ANPEP: variants seen among roughly 807,000 people sequenced by gnomAD.
The protein encoded by ANPEP is aminopeptidase N.
Under a neutral mutation model 114.6 loss-of-function variants are expected in ANPEP, and 70 were observed. That is an observed-to-expected ratio of 0.61 (90% CI 0.50 to 0.75). The LOEUF is 0.75. Among genes scored for constraint, ANPEP ranks in the 30% least tolerant of loss-of-function variants. The probability of loss-of-function intolerance (pLI) is 0.00; values close to 1 mark genes in which losing one functional copy is unlikely to be tolerated. For missense variants in ANPEP, 1,184 were observed against 1,259.5 expected (o/e 0.94, Z 0.91); for synonymous variants, 548 against 522.3 (o/e 1.05, Z -0.67).
At position 89,805,090 on chromosome 15, in the gene ANPEP, G is replaced by T. The variant is rs775687167; in HGVS notation, c.885C>A (p.Ser295=). The T allele has an allele frequency of 2.5e-6, 4 of 1,614,112 alleles. No individual in the cohort carries two copies. In the African/African-American group the frequency reaches 4.0e-5, roughly 16 times the overall value. The change falls in exon 4 of 21, where the codon TCC becomes TCA. Residue 295 remains serine, a synonymous_variant. Transcript: ENST00000300060. ...CCCAGCCTCATACCAAGACACCATT[G>T]GATGCCTGCTTCTCCACGTAGTCGA... ...SEFDYVEKQA[S]NGVLIRIWAR... is the part of the protein sequence containing the mutation.
intron 15 of ANPEP, among the ~76,000 whole-genome samples, chr15:89,795,375 A>G (rs1198216645): frequency 1.3e-5 from 2 of 152,154 alleles, no homozygotes; most frequent in African/African-American, 4.8e-5. Flanking sequence ...CCAGAAAGAG[A>G]TAACTGGAAA....
Position 89,797,590 on chromosome 15 carries a change from G to A in ANPEP, c.2142C>T (p.Val714=), listed in dbSNP as rs190731361. The A allele has an allele frequency of 5.2e-5, 84 of 1,613,576 alleles. No homozygotes were observed. The highest frequency in any genetic ancestry group is 7.0e-5 in the Non-Finnish European group (82 of 1,179,776). Residue 714 remains valine (V), a synonymous_variant, in exon 15 of 21, where the codon GTC becomes GTT. Transcript: ENST00000300060. ...ACCTCCGTACCTTCATGGGGCCATA[G>A]ACCTCGGAGCGGTCAAACATGAGCT... ...YFKLMFDRSE[V]YGPMKNYLKK...
chr15:89,792,118 G>A (rs771443990), intron 18 of ANPEP, 42 bp downstream of exon 18: 2 of 1,586,574 alleles, frequency 1.3e-6, no homozygotes, highest in African/African-American at 1.3e-5. Context: ...TTCTCCAGGT[G>A]GGGAGAGGGC....
At position 89,797,695 on chromosome 15, in the gene ANPEP, C is replaced by G; in HGVS notation, c.2037G>C (p.Ala679=). Residue 679 remains alanine (A), a synonymous_variant, in exon 15 of 21, where the codon GCG becomes GCC. Transcript: ENST00000300060. ...ASAHKVPVTL[A]LNNTLFLIEE... is the part of the protein sequence containing the mutation. ...CAATCAGGAAGAGGGTGTTGTTCAG[C>G]GCCAGAGTGACAGGGACCTTATGGG... The G allele has an allele frequency of 6.2e-7, 1 of 1,614,098 alleles. No individual in the cohort carries two copies. The highest frequency in any genetic ancestry group is 8.5e-7 in the Non-Finnish European group (1 of 1,180,012).
At chr15:89,805,619 G>C (rs1894694911) in intron 2 of ANPEP, among the ~76,000 whole-genome samples, 156 bp from the exon 3 acceptor site, 1 of 152,162 alleles carries the variant, frequency 6.6e-6, no homozygotes, top group African/African-American at 2.4e-5. Context: ...GGAGCCTCCG[G>C]AGCCCTGCCA....
Position 89,806,510 on chromosome 15 carries a change from G to A in ANPEP, c.74C>T (p.Thr25Ile), listed in dbSNP as rs1340822216. The A allele has an allele frequency of 1.2e-6, 2 of 1,613,846 alleles. No homozygotes were observed. The highest frequency in any genetic ancestry group is 1.7e-5 in the Admixed American group (1 of 60,002). Reference sequence around the variant, plus strand: ...GTACACCACTGACAGTGCGATGATTGTGCACACGGCTGCCACGCCCAGGAG... The same window carrying A: ...GTACACCACTGACAGTGCGATGATTATGCACACGGCTGCCACGCCCAGGAG... ...GILLGVAAVC[T>I]IIALSVVYSQ... The change falls in exon 2 of 21, where the codon ACA (threonine) becomes ATA (isoleucine). Residue 25 changes from threonine (T) to isoleucine (I), a missense_variant. Transcript: ENST00000300060. The surrounding 1 kb of genome is among the most constrained non-coding windows in gnomAD (Gnocchi z 5.7).
chr15:89,806,402 G>A lies in ANPEP; in HGVS notation c.182C>T (p.Ser61Leu), dbSNP rs763656090. 25 of 1,614,118 alleles carry A rather than the reference G, an allele frequency of 1.5e-5. No homozygotes were observed. The highest frequency in any genetic ancestry group is 1.3e-4 in the African/African-American group (10 of 75,030). Residue 61 changes from serine to leucine, a missense_variant, in exon 2 of 21, where the codon TCG becomes TTG. Transcript: ENST00000300060. The surrounding 1 kb of genome is among the most constrained non-coding windows in gnomAD (Gnocchi z 5.7). ...TTTACTTTGGTCCAAGGTGGTGGCC[G>A]AGGCGGGGTTGGTGGTGGCTGAGGC... The part of the protein sequence containing the change: ...PSASATTNPA[S>L]ATTLDQSKAW...
In ANPEP at chr15:89,806,440, G is replaced by A; in HGVS notation, c.144C>T (p.Ser48=). ...TGGTGGCTGAGGCGGACGGGGTGGT[G>A]GAGGCCACGGGGGAGCTGTTGGCGT... ...NKNANSSPVA[S]TTPSASATTN... Residue 48 remains serine, a synonymous_variant, in exon 2 of 21, where the codon TCC becomes TCT. Transcript: ENST00000300060. The surrounding 1 kb of genome is among the most constrained non-coding windows in gnomAD (Gnocchi z 5.7). 3 of 1,614,128 alleles carry A rather than the reference G, an allele frequency of 1.9e-6. No individual in the cohort carries two copies. The highest frequency in any genetic ancestry group is 2.2e-5 in the South Asian group (2 of 91,078).
intron 1 of ANPEP, among the ~76,000 whole-genome samples, chr15:89,811,955 C>T (rs922274253): frequency 4.6e-5 from 7 of 152,220 alleles, no homozygotes; most frequent in African/African-American, 7.2e-5. Flanking sequence ...AACGTAAGTT[C>T]TTCTAAACTA....
At chr15:89,807,550 A>G (rs940627319) in intron 1 of ANPEP, among the ~76,000 whole-genome samples, 1 of 151,966 alleles carries the variant, frequency 6.6e-6, no homozygotes, top group African/African-American at 2.4e-5. Context: ...AATACAAAAA[A>G]AATTAGTTGG....
Position 89,799,717 on chromosome 15 carries a change from G to A in ANPEP, c.1820-158C>T, listed in dbSNP as rs577110809. On this transcript the variant is annotated intron_variant, in intron 12 of 20. Transcript: ENST00000300060. The surrounding 1 kb of genome is among the most constrained non-coding windows in gnomAD (Gnocchi z 4.2). The stretch of plus-strand genomic sequence containing the variant: ...GGGGAAGGAAGGGATGAGGAACTGG[G>A]CTGCCAGTGGCTTCACAGACCATCA... Among the ~76,000 whole-genome samples the A allele has an allele frequency of 1.3e-5, 2 of 152,268 alleles. No individual in the cohort carries two copies. The highest frequency in any genetic ancestry group is 4.8e-5 in the African/African-American group (2 of 41,548).
chr15:89,813,991 TGGG>T (rs201152904), intron 1 of ANPEP, among the ~76,000 whole-genome samples: 1 of 111,710 alleles, frequency 9.0e-6, no homozygotes, highest in Non-Finnish European at 1.8e-5. Context: ...ACCGCACTGC[TGGG>T]GGGGGGGGGT....
rs1238724638 is a variant in ANPEP, at chr15:89,803,583, A to C, written c.1437+64T>G. ...CCCTGTGCCCCCAGACCCTGCCTTC[A>C]GTGAGGCCCCTCCAGGCCAAGTCCC... On this transcript the variant is annotated intron_variant, in intron 8 of 20. Transcript: ENST00000300060. This position sits in a 1 kb window ranked among gnomAD's most constrained non-coding sequence, Gnocchi z 4.2. The C allele has an allele frequency of 1.9e-6, 3 of 1,601,568 alleles. No homozygotes were observed. The Admixed American group carries it at 5.0e-5, about 27-fold the overall frequency.
chr15:89,794,273 C>G (rs1322432172), intron 15 of ANPEP, among the ~76,000 whole-genome samples: 1 of 152,030 alleles, frequency 6.6e-6, no homozygotes, highest in Non-Finnish European at 1.5e-5. Context: ...CACCTGAGGT[C>G]AGGAGTTTGA....
intron 20 of ANPEP, among the ~76,000 whole-genome samples, chr15:89,786,853 A>G (rs539572874): frequency 9.9e-5 from 15 of 152,274 alleles, no homozygotes; most frequent in Admixed American, 3.3e-4. Context: ...TTTACCGTCA[A>G]TTGATTTTCA....
chr15:89,803,988 C>G lies in ANPEP; in HGVS notation c.1194G>C (p.Leu398=), dbSNP rs143566896. 6 of 1,614,012 alleles carry G rather than the reference C, an allele frequency of 3.7e-6. No homozygotes were observed. The South Asian group carries it at 6.6e-5, about 18-fold the overall frequency. The change falls in exon 7 of 21, where the codon CTG becomes CTC. Residue 398 remains leucine (L), a synonymous_variant. Transcript: ENST00000300060. This position sits in a 1 kb window ranked among gnomAD's most constrained non-coding sequence, Gnocchi z 4.2. ...HELAHQWFGN[L]VTIEWWNDLW... is the part of the protein sequence containing the mutation. ...GGTCATTCCACCACTCTATGGTCAC[C>G]AGGTTCCCGAACCACTGTGGGGGGA...
intron 1 of ANPEP, among the ~76,000 whole-genome samples, chr15:89,811,837 G>T (rs529561277): frequency 6.6e-6 from 1 of 152,184 alleles, no homozygotes; most frequent in East Asian, 1.9e-4. Flanking sequence ...TGTTCCTTTC[G>T]CTGTGAATTT....
chr15:89,811,639 C>G (rs1431610696), intron 1 of ANPEP, among the ~76,000 whole-genome samples: 3 of 149,460 alleles, frequency 2.0e-5, no homozygotes, highest in Non-Finnish European at 4.4e-5. Context: ...GAGTGAGACT[C>G]CATCTCAAGT....
Position 89,813,995 on chromosome 15 carries a change from G to T in ANPEP, c.-224+777C>A, listed in dbSNP as rs71405667. On this transcript the variant is annotated intron_variant, in intron 1 of 20. Coordinates refer to ENST00000300060, the MANE Select transcript of ANPEP (RefSeq NM_001150.3). ...CGTCCCTGCCCACCGCACTGCTGGG[G>T]GGGGGGGGTGCGTTCTGGAGTCATT... Among the ~76,000 whole-genome samples the T allele has an allele frequency of 8.2e-5, 12 of 146,218 alleles. No homozygotes were observed. In the Middle Eastern group the frequency reaches 0.011, roughly 130 times the overall value.
Sources: allele counts gnomAD v4.1 joint callset (sites outside exome capture counted in the v4.1 genomes callset), GRCh38; gene constraint gnomAD v4.1.1; non-coding constraint Gnocchi (gnomAD v3.1); transcripts MANE v1.5; gene names NCBI Gene and HGNC (gene_info 2026-07-23, HGNC 2026-07-21).